Variants in PTPRG observed in about 807,000 individuals in gnomAD.
PTPRG encodes the protein protein tyrosine phosphatase receptor type G, also known as receptor-type tyrosine-protein phosphatase gamma.
Under a neutral mutation model 165.3 loss-of-function variants are expected in PTPRG, and 102 were observed. The ratio of observed to expected loss-of-function variants is 0.62; its 90% CI spans 0.53 to 0.73. The LOEUF is 0.73. Ranked by LOEUF, PTPRG falls within the 30% of genes least tolerant of loss-of-function variation. PTPRG has a pLI of 0.00. For missense variants in PTPRG, 1,866 were observed against 1,861.4 expected (o/e 1.00, Z -0.05); for synonymous variants, 675 against 669.5 (o/e 1.01, Z -0.13).
Position 61,621,051 on chromosome 3 carries a change from A to ATATATATATGTGTGTGTGTGTGTG in PTPRG, c.85+58680_85+58681insATATATATGTGTGTGTGTGTGTGT. On this transcript the variant is annotated intron_variant, in intron 1 of 29. Coordinates refer to ENST00000474889, the MANE Select transcript of PTPRG (RefSeq NM_002841.4). ...TGTGTGTGTATATATATATATATAT[A>ATATATATATGTGTGTGTGTGTGTG]TGTGTGTGTGTGTGTGTGTGTGTGT... Among the ~76,000 whole-genome samples the ATATATATATGTGTGTGTGTGTGTG allele has an allele frequency of 1.7e-3, 203 of 117,966 alleles. 3 individuals are homozygous for ATATATATATGTGTGTGTGTGTGTG. Among genetic ancestry groups the ATATATATATGTGTGTGTGTGTGTG allele is most frequent in the African/African-American group, 4.8e-3 (162 of 33,496 alleles). 77.4% of individuals were successfully genotyped at this position (117,966 alleles called of 152,430 possible). A position where few individuals can be genotyped will look rare whatever the true frequency, so the allele number is the denominator to read the frequency against.
chr3:62,080,447 G>T (rs1701533015), intron 5 of PTPRG, among the ~76,000 whole-genome samples: 1 of 152,006 alleles, frequency 6.6e-6, no homozygotes, highest in Admixed American at 6.6e-5. Context: ...TCTTAAAACA[G>T]TTCCCACATG....
intron 2 of PTPRG, among the ~76,000 whole-genome samples, chr3:61,834,605 G>A: frequency 6.6e-6 from 1 of 152,166 alleles, no homozygotes; most frequent in South Asian, 2.1e-4. Context: ...AGGAGGTCAG[G>A]AGATCGAGAC....
intron 2 of PTPRG, among the ~76,000 whole-genome samples, chr3:61,787,675 G>A (rs1242046730): frequency 6.6e-6 from 1 of 152,122 alleles, no homozygotes; most frequent in Admixed American, 6.6e-5. Context: ...TTTAATTTTG[G>A]TATGATGGAC....
At chr3:61,999,848 G>A (rs2107715027) in intron 3 of PTPRG, among the ~76,000 whole-genome samples, 1 of 152,282 alleles carries the variant, frequency 6.6e-6, no homozygotes, top group African/African-American at 2.4e-5. Flanking sequence ...AGTGGGAAAT[G>A]AATGAGTATC....
At chr3:61,988,814 C>A (rs1259819159) in intron 2 of PTPRG, among the ~76,000 whole-genome samples, 1 of 152,170 alleles carries the variant, frequency 6.6e-6, no homozygotes, top group African/African-American at 2.4e-5. Context: ...GTAATAGAAA[C>A]TGCTCCCATA....
At chr3:61,735,909 AT>A (rs11422490) in intron 1 of PTPRG, among the ~76,000 whole-genome samples, 79 of 144,946 alleles carry the variant, frequency 5.5e-4, no homozygotes, top group Middle Eastern at 3.6e-3. Context: ...TAAAACAATG[AT>A]TTTTTTTTTT....
At chr3:62,080,470 C>G (rs1701533816) in intron 5 of PTPRG, among the ~76,000 whole-genome samples, 1 of 152,062 alleles carries the variant, frequency 6.6e-6, no homozygotes, top group Non-Finnish European at 1.5e-5. Flanking sequence ...TGGCTAACAC[C>G]TGGTTTTCTG....
intron 27 of PTPRG, 77 bp downstream of exon 27, chr3:62,281,786 T>C: frequency 7.3e-7 from 1 of 1,362,922 alleles, no homozygotes; most frequent in East Asian, 2.7e-5. Context: ...ATGAAATAAT[T>C]TACCACCCTC....
chr3:62,206,963 A>C (rs1249419578), intron 12 of PTPRG, among the ~76,000 whole-genome samples: 1 of 151,454 alleles, frequency 6.6e-6, no homozygotes, highest in Non-Finnish European at 1.5e-5. Flanking sequence ...CTGAAACTCA[A>C]CACTGGTAAA....
chr3:61,838,361 A>T (rs2036530817), intron 2 of PTPRG, among the ~76,000 whole-genome samples: 1 of 152,202 alleles, frequency 6.6e-6, no homozygotes, highest in Non-Finnish European at 1.5e-5. Flanking sequence ...ACAGGTTTAT[A>T]TAGTTTCTTT....
chr3:62,170,328 G>T (rs1705168634), intron 8 of PTPRG, among the ~76,000 whole-genome samples: 1 of 152,028 alleles, frequency 6.6e-6, no homozygotes, highest in Admixed American at 6.6e-5. Flanking sequence ...GGTCTCCTGG[G>T]GATTTTGTGA....
At chr3:62,172,596 ACT>A (rs1266032617) in intron 8 of PTPRG, among the ~76,000 whole-genome samples, 1 of 152,166 alleles carries the variant, frequency 6.6e-6, no homozygotes, top group African/African-American at 2.4e-5. Flanking sequence ...GACTCAGGTA[ACT>A]CAGCGCCACT....
intron 1 of PTPRG, among the ~76,000 whole-genome samples, chr3:61,746,261 C>T (rs895547752): frequency 2.8e-5 from 4 of 141,610 alleles, no homozygotes; most frequent in African/African-American, 1.1e-4. Flanking sequence ...CTGTGTCTCC[C>T]AGGCTGGAGT....
At chr3:61,970,012 A>G (rs150092408) in intron 2 of PTPRG, among the ~76,000 whole-genome samples, 1 of 152,348 alleles carries the variant, frequency 6.6e-6, no homozygotes, top group African/African-American at 2.4e-5. Context: ...AGGCAGATCA[A>G]TCTTCAGCCA....
chr3:61,868,073 G>T (rs1213603835), intron 2 of PTPRG, among the ~76,000 whole-genome samples: 2 of 152,068 alleles, frequency 1.3e-5, no homozygotes, highest in African/African-American at 2.4e-5. Context: ...TTTTACATAA[G>T]CCCCTCCCCA....
At chr3:61,890,593 T>TACTA (rs1252882986) in intron 2 of PTPRG, among the ~76,000 whole-genome samples, 3 of 152,310 alleles carry the variant, frequency 2.0e-5, no homozygotes, top group African/African-American at 7.2e-5. Flanking sequence ...ACAGGTATTT[T>TACTA]ACTACCTTCT....
intron 2 of PTPRG, among the ~76,000 whole-genome samples, chr3:61,812,930 C>G (rs2035631638): frequency 6.6e-6 from 1 of 152,188 alleles, no homozygotes; most frequent in South Asian, 2.1e-4. Flanking sequence ...CTTTTAGGGT[C>G]TTAAATGCCC....
Position 61,707,658 on chromosome 3 carries a change from T to C in PTPRG, c.86-41220T>C, listed in dbSNP as rs527993231. On this transcript the variant is annotated intron_variant, in intron 1 of 29. Coordinates refer to ENST00000474889, the MANE Select transcript of PTPRG (RefSeq NM_002841.4). ...CAGTCTATCAATTCAAATGTTAATC[T>C]CATCCAAAACACCCTCCAGGGCATA... 3.1e-4 allele frequency among the ~76,000 whole-genome samples: 47 copies of C among 152,342 alleles called. 1 individual carries two copies. The highest frequency in any genetic ancestry group is 1.1e-3 in the African/African-American group (46 of 41,588).
In PTPRG at chr3:61,880,643, AAGAG is replaced by A. The variant is rs1185362004; in HGVS notation, c.191-108976_191-108973del. On this transcript the variant is annotated intron_variant, in intron 2 of 29. Coordinates refer to ENST00000474889, the MANE Select transcript of PTPRG (RefSeq NM_002841.4). Reference sequence around the variant, plus strand: ...GTCTCAAAAAAAAAAAAAAAAAAAAAAGAGAGAGACCTATGGCCAGGTGATGAGG... The same window carrying A: ...GTCTCAAAAAAAAAAAAAAAAAAAAAAGAGACCTATGGCCAGGTGATGAGG... 4.7e-3 allele frequency among the ~76,000 whole-genome samples: 700 copies of A among 150,106 alleles called. 4 individuals carry two copies. The highest frequency in any genetic ancestry group is 0.016 in the African/African-American group (637 of 40,112).
Sources: gnomAD v4.1 joint callset for allele counts (sites outside exome capture counted in the v4.1 genomes callset) on GRCh38, gnomAD v4.1.1 for gene constraint, MANE v1.5 for transcripts, NCBI Gene and HGNC (gene_info 2026-07-23, HGNC 2026-07-21) for gene names.